AGK: variants seen among roughly 807,000 people sequenced by gnomAD.
AGK encodes acylglycerol kinase, also known as acylglycerol kinase, mitochondrial.
AGK carries 52 observed loss-of-function variants against 66.4 expected under a neutral mutation model. The observed-to-expected ratio is 0.78, with a 90% CI of 0.63 to 0.99. The LOEUF (loss-of-function observed/expected upper bound fraction) is 0.99, where lower values mean the gene tolerates loss of function less well. Ranked by LOEUF, AGK falls within the 50% of genes least tolerant of loss-of-function variation. The pLI is 0.00. For missense variants in AGK, 451 were observed against 506.6 expected (o/e 0.89, Z 1.05); for synonymous variants, 182 against 181.1 (o/e 1.00, Z -0.04).
At chr7:141,568,866 A>G (rs1795528029) in intron 2 of AGK, among the ~76,000 whole-genome samples, 1 of 151,930 alleles carries the variant, frequency 6.6e-6, no homozygotes, top group Non-Finnish European at 1.5e-5. Flanking sequence ...ATGAGCCACC[A>G]CGCCTGGCAC....
intron 9 of AGK, among the ~76,000 whole-genome samples, chr7:141,628,715 A>C (rs117724953): frequency 6.6e-6 from 1 of 152,218 alleles, no homozygotes; most frequent in African/African-American, 2.4e-5. Context: ...GAATCCTTTG[A>C]TTATGACGAG....
chr7:141,646,879 T>C (rs1797423953), intron 13 of AGK, among the ~76,000 whole-genome samples: 1 of 152,186 alleles, frequency 6.6e-6, no homozygotes, highest in African/African-American at 2.4e-5. Context: ...TCTGGCTCTT[T>C]ACAGAAAATG....
chr7:141,638,988 C>G (rs1358149826), intron 11 of AGK, among the ~76,000 whole-genome samples: 1 of 152,052 alleles, frequency 6.6e-6, no homozygotes, highest in Non-Finnish European at 1.5e-5. Context: ...CCAGGAATAT[C>G]CCTAAGGGAC....
chr7:141,563,266 C>G (rs1206559233), intron 2 of AGK, among the ~76,000 whole-genome samples: 1 of 152,252 alleles, frequency 6.6e-6, no homozygotes, highest in African/African-American at 2.4e-5. Context: ...TATCTGTCAT[C>G]TTGCTCCCAT....
intron 2 of AGK, among the ~76,000 whole-genome samples, chr7:141,575,654 C>CTTTTTTTTT (rs58292692): frequency 1.7e-5 from 1 of 58,250 alleles, no homozygotes; most frequent in Non-Finnish European, 3.3e-5. Context: ...TTACAAAGGC[C>CTTTTTTTTT]TTTTTTTTTT....
At chr7:141,610,842 C>T (rs965014436) in intron 5 of AGK, among the ~76,000 whole-genome samples, 3 of 152,176 alleles carry the variant, frequency 2.0e-5, no homozygotes, top group Admixed American at 6.5e-5. Context: ...CTGCTTCTTC[C>T]TATTTGCATG....
chr7:141,569,676 C>T (rs537707921), intron 2 of AGK, among the ~76,000 whole-genome samples: 4 of 152,272 alleles, frequency 2.6e-5, no homozygotes, highest in African/African-American at 9.6e-5. Flanking sequence ...ATCTCATACT[C>T]ATGTGAGATT....
intron 9 of AGK, among the ~76,000 whole-genome samples, chr7:141,627,690 G>T (rs1796968565): frequency 6.6e-6 from 1 of 152,104 alleles, no homozygotes. Flanking sequence ...AAATGGGATG[G>T]CTATGCTGAA....
chr7:141,590,884 G>A (rs1438121810), intron 2 of AGK, among the ~76,000 whole-genome samples: 1 of 152,088 alleles, frequency 6.6e-6, no homozygotes, highest in African/African-American at 2.4e-5. Context: ...AATACTGGGT[G>A]TGGAGGAAGA....
chr7:141,648,295 G>A (rs1179079692), intron 13 of AGK, among the ~76,000 whole-genome samples: 2 of 152,190 alleles, frequency 1.3e-5, no homozygotes, highest in Non-Finnish European at 2.9e-5. Context: ...AGTCTCTACA[G>A]TAGAAAGTAA....
intron 5 of AGK, among the ~76,000 whole-genome samples, chr7:141,607,761 C>T (rs1028707798): frequency 6.6e-6 from 1 of 151,934 alleles, no homozygotes; most frequent in African/African-American, 2.4e-5. Context: ...ACCTTTAGGC[C>T]TATGATCCAT....
At chr7:141,600,408 G>A (rs1796317875) in intron 4 of AGK, among the ~76,000 whole-genome samples, 1 of 152,146 alleles carries the variant, frequency 6.6e-6, no homozygotes, top group Admixed American at 6.6e-5. Context: ...AGAATGATAT[G>A]CATAATACTT....
chr7:141,601,939 T>C (rs1005225316), intron 5 of AGK, among the ~76,000 whole-genome samples: 4 of 152,170 alleles, frequency 2.6e-5, no homozygotes, highest in African/African-American at 9.7e-5. Flanking sequence ...TTAGTCTAGT[T>C]TACCATGCAA....
Position 141,654,013 on chromosome 7 carries a change from CTCCTTCTGTATT to C in AGK, c.*1093_*1104del. 1 of 152,202 alleles carries C rather than the reference CTCCTTCTGTATT, an allele frequency of 6.6e-6. No individual in the cohort carries two copies. The highest frequency in any genetic ancestry group is 1.5e-5 in the Non-Finnish European group (1 of 68,006). 9.4% of individuals were successfully genotyped at this position (152,202 alleles called of 1,614,324 possible). ...AGTTAAACATTTCAAATTGGCTTTT[CTCCTTCTGTATT>C]TCCATACCACTTTTCAGCCAAGAAT... is the stretch of plus-strand genomic sequence containing the variant. On this transcript the variant is annotated 3_prime_UTR_variant, in exon 16 of 16. Transcript: ENST00000649286.
At chr7:141,618,140 T>A (rs1796747006) in intron 8 of AGK, among the ~76,000 whole-genome samples, 1 of 152,224 alleles carries the variant, frequency 6.6e-6, no homozygotes, top group Admixed American at 6.5e-5. Context: ...CTGGTTTAGG[T>A]GGATTTGATT....
chr7:141,554,338 TAA>T (rs77673587), intron 1 of AGK, among the ~76,000 whole-genome samples: 121 of 126,748 alleles, frequency 9.5e-4, no homozygotes, highest in Middle Eastern at 4.2e-3. Flanking sequence ...AGACCCTGTC[TAA>T]AAAAAAAAAA....
At chr7:141,644,062 A>G (rs1797349536) in intron 13 of AGK, among the ~76,000 whole-genome samples, 1 of 151,882 alleles carries the variant, frequency 6.6e-6, no homozygotes, top group South Asian at 2.1e-4. Context: ...TGGAAATCTG[A>G]AAAACACTGG....
At chr7:141,651,485 C>T (rs368624923) in intron 14 of AGK, 40 bp from the exon 15 acceptor site, 25 of 1,579,762 alleles carry the variant, frequency 1.6e-5, no homozygotes, top group Non-Finnish European at 2.2e-5. Flanking sequence ...AGTGCAGTTG[C>T]CATCACTGGT....
intron 2 of AGK, among the ~76,000 whole-genome samples, chr7:141,558,469 T>C (rs2033637133): frequency 6.6e-6 from 1 of 152,070 alleles, no homozygotes; most frequent in Non-Finnish European, 1.5e-5. Flanking sequence ...CTGGCCTATA[T>C]TATCTCTAAA....
Sources: gnomAD v4.1 joint callset for allele counts (sites outside exome capture counted in the v4.1 genomes callset) on GRCh38, gnomAD v4.1.1 for gene constraint, MANE v1.5 for transcripts, NCBI Gene and HGNC (gene_info 2026-07-23, HGNC 2026-07-21) for gene names.